Variants in C3orf49 observed in about 807,000 individuals in gnomAD.
The protein encoded by C3orf49 is putative uncharacterized protein C3orf49.
In C3orf49, 27 loss-of-function variants were observed where a neutral mutation model predicts 13.3. The observed-to-expected ratio is 2.02, with a 90% confidence interval of 1.49 to 2.79. The LOEUF is 2.79. Among genes scored for constraint, C3orf49 ranks in the 30% most tolerant of loss-of-function variants. The pLI is 0.00. For missense variants in C3orf49, 242 were observed against 134.2 expected (o/e 1.80, Z -3.97); for synonymous variants, 87 against 47.6 (o/e 1.83, Z -3.40).
At chr3:63,795,793 AT>A in the C3orf49 span, among the ~76,000 whole-genome samples, 1 of 152,084 alleles carries the variant, frequency 6.6e-6, no homozygotes, top group African/African-American at 2.4e-5. Flanking sequence ...AAAGCACGTG[AT>A]TTTCCTCCTC....
At chr3:63,830,154 G>GC (rs1701514342) in intron 3 of C3orf49, among the ~76,000 whole-genome samples, 2 of 152,284 alleles carry the variant, frequency 1.3e-5, no homozygotes, top group East Asian at 3.9e-4. Context: ...GTCCATACCA[G>GC]CCCCAACTAG....
the C3orf49 span, among the ~76,000 whole-genome samples, chr3:63,786,521 A>G: frequency 6.6e-6 from 1 of 152,208 alleles, no homozygotes; most frequent in Non-Finnish European, 1.5e-5. Flanking sequence ...GATGGAAAGA[A>G]TGGGCTTTTA....
At chr3:63,834,674 A>G (rs1701592376) in intron 5 of C3orf49, among the ~76,000 whole-genome samples, 1 of 151,932 alleles carries the variant, frequency 6.6e-6, no homozygotes, top group Non-Finnish European at 1.5e-5. Flanking sequence ...AAAAAAAAGA[A>G]AAGAAAAAAT....
intron 6 of C3orf49, chr3:63,846,305 A>G (rs1487442088): frequency 2.6e-6 from 1 of 389,430 alleles, no homozygotes; most frequent in East Asian, 8.9e-5. Flanking sequence ...CTCCCTGGAC[A>G]AAAATGGACT....
At chr3:63,816,085 G>C (rs1225007044), upstream of C3orf49, among the ~76,000 whole-genome samples, 1 of 149,410 alleles carries the variant, frequency 6.7e-6, no homozygotes, top group Non-Finnish European at 1.5e-5. Context: ...TGCCTGGCCT[G>C]TTTTTCTTTT....
chr3:63,792,243 T>C, the C3orf49 span, among the ~76,000 whole-genome samples: 1 of 152,242 alleles, frequency 6.6e-6, no homozygotes, highest in Non-Finnish European at 1.5e-5. Flanking sequence ...AAAATATTTG[T>C]TAAAACTGTG....
At chr3:63,780,461 T>C in the C3orf49 span, among the ~76,000 whole-genome samples, 3 of 152,246 alleles carry the variant, frequency 2.0e-5, no homozygotes, top group African/African-American at 7.2e-5. Flanking sequence ...TGTGCATGTG[T>C]CCTTACAGCA....
chr3:63,839,508 G>T, intron 5 of C3orf49: 1 of 724,734 alleles, frequency 1.4e-6, no homozygotes, highest in Non-Finnish European at 2.4e-6. Context: ...AGAAGAAAAG[G>T]CCAAGAAAAT....
chr3:63,782,170 C>T, the C3orf49 span, among the ~76,000 whole-genome samples: 1 of 152,242 alleles, frequency 6.6e-6, no homozygotes, highest in Admixed American at 6.5e-5. Flanking sequence ...CAACATAAGT[C>T]AGACACTAAG....
chr3:63,814,717 T>C (rs193063107), upstream of C3orf49, among the ~76,000 whole-genome samples: 102 of 152,214 alleles, frequency 6.7e-4, no homozygotes, highest in Non-Finnish European at 4.4e-5. Flanking sequence ...GACTCCTGAA[T>C]GGGTGCCCTT....
At chr3:63,841,793 C>T (rs908282398) in intron 5 of C3orf49, among the ~76,000 whole-genome samples, 3 of 152,030 alleles carry the variant, frequency 2.0e-5, no homozygotes, top group Non-Finnish European at 4.4e-5. Flanking sequence ...GAAATAAATA[C>T]TAATAGAATT....
At chr3:63,813,077 T>C in the C3orf49 span, among the ~76,000 whole-genome samples, 1 of 152,164 alleles carries the variant, frequency 6.6e-6, no homozygotes, top group Non-Finnish European at 1.5e-5. Flanking sequence ...GATTACCTCC[T>C]TACCTGCGCG....
At chr3:63,787,733 TTC>T in the C3orf49 span, among the ~76,000 whole-genome samples, 3 of 152,142 alleles carry the variant, frequency 2.0e-5, no homozygotes, top group Non-Finnish European at 4.4e-5. Flanking sequence ...TAGATTCTTT[TTC>T]TGTTTGTTTT....
At chr3:63,841,573 T>G (rs777377394) in intron 5 of C3orf49, among the ~76,000 whole-genome samples, 2 of 152,208 alleles carry the variant, frequency 1.3e-5, no homozygotes. Context: ...TTAAAATATA[T>G]TGTGATAATA....
the C3orf49 span, among the ~76,000 whole-genome samples, chr3:63,789,959 G>A: frequency 6.6e-6 from 1 of 151,906 alleles, no homozygotes; most frequent in African/African-American, 2.4e-5. Context: ...TAAGCAATAG[G>A]AATGGTTTTT....
chr3:63,816,437 A>G (rs1334999696), upstream of C3orf49, among the ~76,000 whole-genome samples: 2 of 152,002 alleles, frequency 1.3e-5, no homozygotes, highest in African/African-American at 4.8e-5. Context: ...CTAAAAATAC[A>G]AAAAATTAGC....
At chr3:63,839,911 T>C in intron 5 of C3orf49, 1 of 640,900 alleles carries the variant, frequency 1.6e-6, no homozygotes, top group South Asian at 2.1e-5. Context: ...AACTGTACAC[T>C]TAAAAATGGC....
intron 5 of C3orf49, chr3:63,832,833 T>C (rs1324443034): frequency 1.3e-5 from 2 of 152,212 alleles, no homozygotes; most frequent in African/African-American, 4.8e-5. Context: ...AGCATTTATA[T>C]GTATTATGAC....
intron 6 of C3orf49, chr3:63,846,095 T>C (rs546512597): frequency 2.2e-4 from 70 of 324,282 alleles, no homozygotes; most frequent in African/African-American, 1.4e-3. Context: ...ATGGAAGATA[T>C]TCCCTTACCA....
Sources: allele counts gnomAD v4.1 joint callset (sites outside exome capture counted in the v4.1 genomes callset), GRCh38; gene constraint gnomAD v4.1.1; transcripts MANE v1.5; gene names NCBI Gene and HGNC (gene_info 2026-07-23, HGNC 2026-07-21).